SLC38A1: variants seen among roughly 807,000 people sequenced by gnomAD.
The protein encoded by SLC38A1 is sodium-coupled neutral amino acid symporter 1.
SLC38A1 carries 18 observed loss-of-function variants against 60.3 expected under a neutral mutation model. That is an observed-to-expected ratio of 0.30 (90% CI 0.21 to 0.44). The LOEUF (loss-of-function observed/expected upper bound fraction) is 0.44. Among genes scored for constraint, SLC38A1 ranks in the 20% least tolerant of loss-of-function variants. SLC38A1 has a pLI of 1.00. For missense variants in SLC38A1, 448 were observed against 587.2 expected, an observed-to-expected ratio of 0.76 and a Z score of 2.45; for synonymous variants, 196 against 212.1, an observed-to-expected ratio of 0.92 and a Z score of 0.66.
intron 2 of SLC38A1, among the ~76,000 whole-genome samples, chr12:46,241,235 T>TA (rs1941436336): frequency 6.6e-6 from 1 of 152,202 alleles, no homozygotes; most frequent in Non-Finnish European, 1.5e-5. Context: ...AAGATGGCTA[T>TA]AGCCTAGTTA....
rs34985832 is a variant in SLC38A1 at position 46,246,311 on chromosome 12, C to T, written c.-208-2997G>A. 2.5e-3 allele frequency among the ~76,000 whole-genome samples: 379 copies of T among 152,344 alleles called. 2 individuals carry two copies. The highest frequency in any genetic ancestry group is 0.014 in the Middle Eastern group (4 of 294). On this transcript the variant is annotated intron_variant, in intron 1 of 16. Coordinates refer to ENST00000398637, the MANE Select transcript of SLC38A1 (RefSeq NM_030674.4). ...ACAGGACATTCCCACTCAAATACTG[C>T]GTTTTTCCAAAGGTCTTAGCAAACA...
At chr12:46,189,870 C>T (rs936782795) in intron 16 of SLC38A1, among the ~76,000 whole-genome samples, 1 of 152,100 alleles carries the variant, frequency 6.6e-6, no homozygotes, top group Non-Finnish European at 1.5e-5. Flanking sequence ...GATTGTGAGG[C>T]CTCCCCAGTC....
At chr12:46,209,596 C>A (rs1464044331) in intron 5 of SLC38A1, among the ~76,000 whole-genome samples, 5 of 152,164 alleles carry the variant, frequency 3.3e-5, no homozygotes, top group Admixed American at 6.5e-5. Flanking sequence ...TATAAAGATA[C>A]AAGCCAAATG....
intron 1 of SLC38A1, among the ~76,000 whole-genome samples, chr12:46,261,716 C>T (rs939939279): frequency 7.2e-5 from 11 of 152,108 alleles, no homozygotes; most frequent in South Asian, 2.1e-4. Flanking sequence ...ACTATATAAA[C>T]GGAAGGTATT....
chr12:46,207,311 C>A, intron 7 of SLC38A1, 75 bp from the exon 8 acceptor site: 2 of 1,342,588 alleles, frequency 1.5e-6, no homozygotes, highest in Non-Finnish European at 2.1e-6. Context: ...AAGTTATCAG[C>A]CCGTTCTTAG....
At chr12:46,216,680 G>GT (rs1377668790) in intron 5 of SLC38A1, among the ~76,000 whole-genome samples, 8 of 152,144 alleles carry the variant, frequency 5.3e-5, no homozygotes, top group African/African-American at 1.7e-4. Context: ...GTGAAACCCC[G>GT]TATCTACGTT....
chr12:46,203,219 AGG>A, intron 11 of SLC38A1, 130 bp from the exon 12 acceptor site: 4 of 764,190 alleles, frequency 5.2e-6, no homozygotes, highest in Non-Finnish European at 8.5e-6. Context: ...GTTATTAGGG[AGG>A]TTTTGATCTC....
chr12:46,238,272 C>T (rs73103122), intron 3 of SLC38A1, among the ~76,000 whole-genome samples: 15,971 of 148,710 alleles, frequency 0.11, 1,168 homozygotes, highest in Non-Finnish European at 0.15. Flanking sequence ...CACAGTTGAC[C>T]GTACTTGGAT....
intron 5 of SLC38A1, among the ~76,000 whole-genome samples, chr12:46,218,836 G>A (rs10880937): frequency 0.17 from 26,106 of 151,956 alleles, 3,707 homozygotes; most frequent in East Asian, 0.46. Context: ...GAAATCATAG[G>A]GGGGTGAAGT....
chr12:46,223,246 T>C (rs1208359587), intron 5 of SLC38A1, among the ~76,000 whole-genome samples: 1 of 152,164 alleles, frequency 6.6e-6, no homozygotes, highest in Admixed American at 6.5e-5. Context: ...TCAGTTACTT[T>C]ATCTGTAAAA....
chr12:46,237,830 A>G (rs990786326), intron 3 of SLC38A1, among the ~76,000 whole-genome samples: 1 of 151,802 alleles, frequency 6.6e-6, no homozygotes, highest in Non-Finnish European at 1.5e-5. Flanking sequence ...ACAATGTCCT[A>G]CTTGTGGTGA....
intron 3 of SLC38A1, among the ~76,000 whole-genome samples, chr12:46,234,372 C>T (rs752158163): frequency 8.6e-5 from 13 of 151,996 alleles, no homozygotes; most frequent in Non-Finnish European, 1.8e-4. Flanking sequence ...TCCCTATTCT[C>T]TTTATGGTGT....
At chr12:46,208,054 G>C (rs1290389642) in intron 6 of SLC38A1, among the ~76,000 whole-genome samples, 1 of 152,164 alleles carries the variant, frequency 6.6e-6, no homozygotes, top group East Asian at 1.9e-4. Context: ...AGGCAAACAA[G>C]GAATTATCTT....
intron 5 of SLC38A1, among the ~76,000 whole-genome samples, chr12:46,213,514 C>A (rs1435953734): frequency 6.6e-6 from 1 of 152,196 alleles, no homozygotes; most frequent in Non-Finnish European, 1.5e-5. Context: ...AGAACAAGAC[C>A]ATCTGGAAAT....
chr12:46,208,971 A>G, intron 6 of SLC38A1, 83 bp downstream of exon 6: 1 of 953,316 alleles, frequency 1.0e-6, no homozygotes, highest in East Asian at 2.5e-5. Context: ...ATTGCTGTAC[A>G]GAGAGAACAT....
At position 46,239,729 on chromosome 12, in the gene SLC38A1, A is replaced by G. The variant is rs749592866; in HGVS notation, c.72T>C (p.Ile24=). Residue 24 remains isoleucine (I), a synonymous_variant, in exon 3 of 17, where the codon ATT becomes ATC. Coordinates refer to ENST00000398637, the MANE Select transcript of SLC38A1 (RefSeq NM_030674.4). ...QNMTVPEDDN[I]SNDSNDFTEV... ...CGGTGAAATCATTGGAGTCATTGCTAATGTTATCATCCTCGGGCACTGTCA... is the reference window on the plus strand; with the variant it reads ...CGGTGAAATCATTGGAGTCATTGCTGATGTTATCATCCTCGGGCACTGTCA... The G allele has an allele frequency of 2.5e-6, 4 of 1,613,638 alleles. No homozygotes were observed. Among genetic ancestry groups the G allele is most frequent in the East Asian group, 2.2e-5 (1 of 44,880 alleles).
chr12:46,230,836 A>C (rs1191835912), intron 3 of SLC38A1, among the ~76,000 whole-genome samples: 1 of 152,228 alleles, frequency 6.6e-6, no homozygotes, highest in Non-Finnish European at 1.5e-5. Flanking sequence ...AGGAATGCTT[A>C]TACACCATTG....
intron 1 of SLC38A1, among the ~76,000 whole-genome samples, chr12:46,248,974 T>C (rs930924196): frequency 2.6e-5 from 4 of 151,712 alleles, no homozygotes; most frequent in South Asian, 2.1e-4. Context: ...GGCTAACACA[T>C]TGAAACCCCG....
At position 46,226,874 on chromosome 12, in the gene SLC38A1, C is replaced by T. The variant is rs145676365; in HGVS notation, c.314+2279G>A. On this transcript the variant is annotated intron_variant, in intron 5 of 16. Coordinates refer to ENST00000398637, the MANE Select transcript of SLC38A1 (RefSeq NM_030674.4). ...CTGCCAGGTGATCCACCGGCCTCAG[C>T]CTCCCAAAGTGCTGGGATTATAGGC... Among the ~76,000 whole-genome samples, 653 of 152,228 alleles carry T rather than the reference C, an allele frequency of 4.3e-3. 5 individuals carry two copies. Among genetic ancestry groups the T allele is most frequent in the African/African-American group, 0.015 (629 of 41,526 alleles).
Sources: gnomAD v4.1 joint callset for allele counts (sites outside exome capture counted in the v4.1 genomes callset) on GRCh38, gnomAD v4.1.1 for gene constraint, MANE v1.5 for transcripts, NCBI Gene and HGNC (gene_info 2026-07-23, HGNC 2026-07-21) for gene names.